The following FNDC1 variants were observed in gnomAD, a reference collection of about 807,000 sequenced individuals.
The protein encoded by FNDC1 is fibronectin type III domain containing 1.
A neutral mutation model predicts 168.0 loss-of-function variants in FNDC1; 96 were observed. The observed-to-expected ratio is 0.57, with a 90% CI of 0.48 to 0.68. The LOEUF (loss-of-function observed/expected upper bound fraction) is 0.68. Among genes scored for constraint, FNDC1 ranks in the 30% least tolerant of loss-of-function variants. The pLI is 0.00. For missense variants in FNDC1, 2,587 were observed against 2,482.1 expected, an observed-to-expected ratio of 1.04 and a Z score of -0.90; for synonymous variants, 1,099 against 1,025.9, an observed-to-expected ratio of 1.07 and a Z score of -1.36.
intron 18 of FNDC1, among the ~76,000 whole-genome samples, chr6:159,259,812 AC>A (rs778820545): frequency 1.7e-4 from 26 of 152,192 alleles, no homozygotes; most frequent in Non-Finnish European, 3.1e-4. Context: ...TAAAAAGAAT[AC>A]TCCTAAATAA....
intron 7 of FNDC1, among the ~76,000 whole-genome samples, chr6:159,224,070 A>C (rs1782902159): frequency 6.6e-6 from 1 of 152,222 alleles, no homozygotes; most frequent in South Asian, 2.1e-4. Flanking sequence ...CTTTATGTAG[A>C]GTGGTGGACA....
chr6:159,193,476 A>T (rs1782180826), intron 1 of FNDC1, among the ~76,000 whole-genome samples: 1 of 152,128 alleles, frequency 6.6e-6, no homozygotes, highest in Non-Finnish European at 1.5e-5. Flanking sequence ...AAACCATTTA[A>T]GTGAGCACCA....
intron 3 of FNDC1, 90 bp downstream of exon 3, chr6:159,200,172 A>C (rs2114949083): frequency 9.9e-7 from 1 of 1,006,996 alleles, no homozygotes; most frequent in Middle Eastern, 2.3e-4. Context: ...ATATAAATTT[A>C]GAGTTATTAA....
intron 1 of FNDC1, among the ~76,000 whole-genome samples, chr6:159,186,721 CAG>C (rs1782008175): frequency 6.6e-6 from 1 of 152,212 alleles, no homozygotes; most frequent in Non-Finnish European, 1.5e-5. Flanking sequence ...AGTGCTCACA[CAG>C]AAACGCGTGG....
At chr6:159,177,999 T>G (rs1022072042) in intron 1 of FNDC1, among the ~76,000 whole-genome samples, 1 of 152,178 alleles carries the variant, frequency 6.6e-6, no homozygotes, top group African/African-American at 2.4e-5. Context: ...ATAAGAAGGA[T>G]GAATGTTGTC....
chr6:159,240,860 G>A (rs1250606145), intron 14 of FNDC1: 1 of 152,184 alleles, frequency 6.6e-6, no homozygotes, highest in Non-Finnish European at 1.5e-5. Flanking sequence ...GAAATGAATT[G>A]CAATGTCAAT....
At chr6:159,245,046 G>A (rs1435266537) in intron 14 of FNDC1, among the ~76,000 whole-genome samples, 1 of 152,202 alleles carries the variant, frequency 6.6e-6, no homozygotes, top group African/African-American at 2.4e-5. Context: ...GAGAGAGAGA[G>A]TGAGAGCGAG....
Position 159,234,386 on chromosome 6 carries a change from A to T in FNDC1, c.3874A>T (p.Thr1292Ser). 6.2e-7 allele frequency: 1 copy of T among 1,613,030 alleles called. No individual in the cohort carries two copies. Among genetic ancestry groups the T allele is most frequent in the Non-Finnish European group, 8.5e-7 (1 of 1,179,594 alleles). The stretch of plus-strand genomic sequence containing the variant: ...GCGCGCCCCACCTGGCCACTTCTCC[A>T]CCACCCCGATGCTGTCCTTGCGCCA... ...TTRAPPGHFSTTPMLSLRQRM... is the reference protein window; with the variant it reads ...TTRAPPGHFSSTPMLSLRQRM... The change falls in exon 11 of 23, where the codon ACC (threonine) becomes TCC (serine). Residue 1292 changes from threonine (T) to serine (S), a missense_variant. Transcript: ENST00000297267.
intron 1 of FNDC1, among the ~76,000 whole-genome samples, chr6:159,172,113 T>C (rs7769892): frequency 1.4e-3 from 206 of 152,326 alleles, no homozygotes; most frequent in African/African-American, 4.9e-3. Context: ...AAATTATTAA[T>C]TTTACCAAAT....
intron 14 of FNDC1, chr6:159,240,638 C>T (rs420237): frequency 0.54 from 81,927 of 152,056 alleles, 25,100 homozygotes; most frequent in Non-Finnish European, 0.68. Flanking sequence ...TATCCTGCCG[C>T]CCCTGATGTA....
At chr6:159,194,992 C>T (rs1459488116) in intron 1 of FNDC1, among the ~76,000 whole-genome samples, 1 of 152,068 alleles carries the variant, frequency 6.6e-6, no homozygotes, top group Non-Finnish European at 1.5e-5. Context: ...AATATCTCAT[C>T]AGGTCAAGCG....
In FNDC1 at chr6:159,225,530, T is replaced by A; in HGVS notation, c.885-5T>A. 6.2e-7 allele frequency: 1 copy of A among 1,601,916 alleles called. No homozygotes were observed. ...GACAGATCATTGTGTTGTGTTTTCT[T>A]ACAGACAGTACACCGTGCGCTATCG... On this transcript the variant is annotated splice_polypyrimidine_tract_variant and splice_region_variant and intron_variant, in intron 7 of 22. Transcript: ENST00000297267.
intron 19 of FNDC1, among the ~76,000 whole-genome samples, chr6:159,262,818 A>C (rs1189098265): frequency 6.6e-6 from 1 of 152,170 alleles, no homozygotes; most frequent in African/African-American, 2.4e-5. Flanking sequence ...CTGAATAAGA[A>C]TCTCTCCAGG....
chr6:159,251,698 A>G (rs1414824018), intron 17 of FNDC1, among the ~76,000 whole-genome samples, 166 bp downstream of exon 17: 2 of 152,210 alleles, frequency 1.3e-5, no homozygotes, highest in Non-Finnish European at 2.9e-5. Context: ...TGGATGAAAT[A>G]TAGGCAACAA....
chr6:159,182,490 C>T (rs1298910607), intron 1 of FNDC1, among the ~76,000 whole-genome samples: 2 of 152,188 alleles, frequency 1.3e-5, no homozygotes, highest in African/African-American at 2.4e-5. Flanking sequence ...TAATGCCATA[C>T]TCTGTTCTCT....
In FNDC1 at chr6:159,239,548, C is replaced by T. The variant is rs368545994; in HGVS notation, c.4212C>T (p.Asp1404=). The change falls in exon 14 of 23, where the codon GAC becomes GAT. Residue 1404 remains aspartate (D), a synonymous_variant. Transcript: ENST00000297267. ...DLEGTPVVSP[D]GLPLFGQGRH... ...AAGGGACCCCCGTGGTGAGTCCTGA[C>T]GGCCTCCCACTCTTTGGGCAGGGGC... 4.1e-5 allele frequency: 65 copies of T among 1,604,642 alleles called. No homozygotes were observed. The highest frequency in any genetic ancestry group is 8.9e-5 in the East Asian group (4 of 44,698).
At chr6:159,230,247 A>G (rs485626) in intron 10 of FNDC1, among the ~76,000 whole-genome samples, 58,343 of 152,110 alleles carry the variant, frequency 0.38, 14,303 homozygotes, top group East Asian at 0.73. Context: ...TTAATTATAT[A>G]ATTAATCTGA....
intron 1 of FNDC1, among the ~76,000 whole-genome samples, chr6:159,177,965 A>G (rs1781800237): frequency 6.6e-6 from 1 of 152,204 alleles, no homozygotes; most frequent in African/African-American, 2.4e-5. Context: ...TAATTTTGAG[A>G]TAGTCATAGA....
At chr6:159,214,746 A>G (rs1423669875) in intron 4 of FNDC1, among the ~76,000 whole-genome samples, 199 bp from the exon 5 acceptor site, 2 of 152,200 alleles carry the variant, frequency 1.3e-5, no homozygotes, top group Non-Finnish European at 2.9e-5. Flanking sequence ...TTTTGGTATG[A>G]AATGTGGGGA....
Sources: gnomAD v4.1 joint callset for allele counts (sites outside exome capture counted in the v4.1 genomes callset) on GRCh38, gnomAD v4.1.1 for gene constraint, MANE v1.5 for transcripts, NCBI Gene and HGNC (gene_info 2026-07-23, HGNC 2026-07-21) for gene names.